The following PDLIM5 variants were observed in gnomAD, a reference collection of about 807,000 sequenced individuals.
PDLIM5 encodes PDZ and LIM domain 5.
In PDLIM5, 34 loss-of-function variants were observed where a neutral mutation model predicts 64.2. The ratio of observed to expected loss-of-function variants is 0.53; its 90% CI spans 0.40 to 0.71. The LOEUF (loss-of-function observed/expected upper bound fraction) is 0.71. Among genes scored for constraint, PDLIM5 ranks in the 30% least tolerant of loss-of-function variants. The pLI is 0.00. For missense variants in PDLIM5, 683 were observed against 733.6 expected, an observed-to-expected ratio of 0.93 and a Z score of 0.80; for synonymous variants, 253 against 269.1, an observed-to-expected ratio of 0.94 and a Z score of 0.59.
intron 3 of PDLIM5, among the ~76,000 whole-genome samples, chr4:94,526,641 T>C (rs370038033): frequency 3.3e-5 from 5 of 152,218 alleles, no homozygotes; most frequent in African/African-American, 1.2e-4. Flanking sequence ...AGAGTTATCT[T>C]TGATTCTTTT....
chr4:94,475,214 A>G (rs548045622), intron 2 of PDLIM5, among the ~76,000 whole-genome samples: 27 of 152,158 alleles, frequency 1.8e-4, no homozygotes, highest in Non-Finnish European at 3.5e-4. Flanking sequence ...GTTGTTGTAT[A>G]AAGGAGGGAC....
chr4:94,597,207 A>T (rs1737133204), intron 7 of PDLIM5, among the ~76,000 whole-genome samples: 1 of 152,198 alleles, frequency 6.6e-6, no homozygotes, highest in African/African-American at 2.4e-5. Flanking sequence ...GTCTTCAGGT[A>T]GCTGTGTATC....
At chr4:94,526,963 GACCTCAAGTGATCC>G (rs1397373682) in intron 3 of PDLIM5, among the ~76,000 whole-genome samples, 1 of 149,682 alleles carries the variant, frequency 6.7e-6, no homozygotes, top group African/African-American at 2.5e-5. Flanking sequence ...TCGAGCTCCT[GACCTCAAGTGATCC>G]ACCTGCCTCG....
chr4:94,588,258 A>C, intron 7 of PDLIM5: 2 of 803,140 alleles, frequency 2.5e-6, no homozygotes, highest in Non-Finnish European at 3.0e-6. Context: ...TGAGGTTACT[A>C]AAATATGGGT....
At chr4:94,606,768 A>G (rs1223018135) in intron 7 of PDLIM5, among the ~76,000 whole-genome samples, 1 of 152,230 alleles carries the variant, frequency 6.6e-6, no homozygotes, top group Non-Finnish European at 1.5e-5. Context: ...TTTTCAGGCC[A>G]TATGGTCTGT....
chr4:94,605,852 C>T lies in PDLIM5; in HGVS notation c.921-12152C>T, dbSNP rs560674929. Among the ~76,000 whole-genome samples, 7 of 151,432 alleles carry T rather than the reference C, an allele frequency of 4.6e-5. No homozygotes were observed. In the South Asian group the frequency reaches 1.5e-3, roughly 32 times the overall value. On this transcript the variant is annotated intron_variant, in intron 7 of 12. Coordinates refer to ENST00000317968, the MANE Select transcript of PDLIM5 (RefSeq NM_006457.5). Reference sequence around the variant, plus strand: ...GTTGGAAGACTCAACTTCTCCAACTCACTCCCTTTTCTTTTTTTTTTTAAT... The same window carrying T: ...GTTGGAAGACTCAACTTCTCCAACTTACTCCCTTTTCTTTTTTTTTTTAAT...
At position 94,516,418 on chromosome 4, in the gene PDLIM5, C is replaced by T. The variant is rs1224215918; in HGVS notation, c.97-7306C>T. Reference sequence around the variant, plus strand: ...TACACATTTGCTCACAGAGAGACATCGGTGATTGCTTGTTTTATTTCCCTA... The same window carrying T: ...TACACATTTGCTCACAGAGAGACATTGGTGATTGCTTGTTTTATTTCCCTA... On this transcript the variant is annotated intron_variant, in intron 2 of 12. Coordinates refer to ENST00000317968, the MANE Select transcript of PDLIM5 (RefSeq NM_006457.5). Among the ~76,000 whole-genome samples, 5 of 152,258 alleles carry T rather than the reference C, an allele frequency of 3.3e-5. No individual in the cohort carries two copies. In the South Asian group the frequency reaches 6.2e-4, roughly 19 times the overall value.
chr4:94,528,614 AT>A (rs1400518612), intron 3 of PDLIM5, among the ~76,000 whole-genome samples: 2 of 152,148 alleles, frequency 1.3e-5, no homozygotes, highest in South Asian at 2.1e-4. Context: ...TTTCACTAAT[AT>A]TTTCTGAACT....
intron 9 of PDLIM5, among the ~76,000 whole-genome samples, chr4:94,651,713 A>G (rs995094388): frequency 1.3e-5 from 2 of 152,206 alleles, no homozygotes; most frequent in African/African-American, 2.4e-5. Context: ...AAATAAGACT[A>G]CTGCTGAGGA....
chr4:94,457,028 T>A, intron 2 of PDLIM5: 1 of 947,114 alleles, frequency 1.1e-6, no homozygotes, highest in Non-Finnish European at 1.3e-6. Flanking sequence ...AATCAGATAT[T>A]TAGAAGATTG....
At chr4:94,456,801 C>T in intron 2 of PDLIM5, 1 of 1,159,718 alleles carries the variant, frequency 8.6e-7, no homozygotes, top group Non-Finnish European at 1.1e-6. Context: ...TATTTTTGTG[C>T]CAGTCTTACC....
At chr4:94,584,830 G>A in intron 5 of PDLIM5, 1 of 592,144 alleles carries the variant, frequency 1.7e-6, no homozygotes, top group Non-Finnish European at 3.0e-6. Context: ...GTTTCGTATG[G>A]CATACAGTGA....
At chr4:94,517,841 T>C (rs1445930404) in intron 2 of PDLIM5, among the ~76,000 whole-genome samples, 7 of 152,302 alleles carry the variant, frequency 4.6e-5, no homozygotes, top group African/African-American at 1.7e-4. Flanking sequence ...TAGTACATTA[T>C]AGGATAATCA....
chr4:94,503,450 A>G (rs1252106555), intron 2 of PDLIM5, among the ~76,000 whole-genome samples: 1 of 152,176 alleles, frequency 6.6e-6, no homozygotes, highest in East Asian at 1.9e-4. Flanking sequence ...CCTAAATAAT[A>G]CTGTTTTAGA....
chr4:94,453,614 C>T (rs917266236), intron 1 of PDLIM5, among the ~76,000 whole-genome samples: 2 of 152,192 alleles, frequency 1.3e-5, no homozygotes, highest in Non-Finnish European at 2.9e-5. Context: ...TAAAGGAGGG[C>T]AGGCTGCCTG....
chr4:94,585,339 C>G (rs1410829512), intron 5 of PDLIM5, among the ~76,000 whole-genome samples: 2 of 152,236 alleles, frequency 1.3e-5, no homozygotes, highest in African/African-American at 4.8e-5. Flanking sequence ...ATCCGCCCAC[C>G]TCAGCCTCCC....
intron 3 of PDLIM5, among the ~76,000 whole-genome samples, chr4:94,530,434 T>C (rs1031760989): frequency 1.3e-5 from 2 of 151,790 alleles, no homozygotes; most frequent in Non-Finnish European, 2.9e-5. Context: ...AAGCATCATT[T>C]ATTCATCAGA....
intron 3 of PDLIM5, among the ~76,000 whole-genome samples, chr4:94,550,676 A>C (rs953631261): frequency 6.6e-6 from 1 of 152,206 alleles, no homozygotes; most frequent in African/African-American, 2.4e-5. Context: ...TTGGAATTCT[A>C]AAACTCCAAT....
intron 2 of PDLIM5, among the ~76,000 whole-genome samples, chr4:94,503,773 A>G (rs1728141422): frequency 6.6e-6 from 1 of 152,232 alleles, no homozygotes; most frequent in Non-Finnish European, 1.5e-5. Context: ...TTGACCACTC[A>G]GAGTTCTACC....
Sources: gnomAD v4.1 joint callset for allele counts (sites outside exome capture counted in the v4.1 genomes callset) on GRCh38, gnomAD v4.1.1 for gene constraint, MANE v1.5 for transcripts, NCBI Gene and HGNC (gene_info 2026-07-23, HGNC 2026-07-21) for gene names.